Variants in PRKN observed in about 807,000 individuals in gnomAD.
The protein encoded by PRKN is parkin RBR E3 ubiquitin protein ligase, also known as E3 ubiquitin-protein ligase parkin.
A neutral mutation model predicts 59.5 loss-of-function variants in PRKN; 56 were observed. That is an observed-to-expected ratio of 0.94 (90% CI 0.76 to 1.18). PRKN has a LOEUF of 1.18. Ranked by LOEUF, PRKN falls within the 50% of genes most tolerant of loss-of-function variation. The pLI, the probability that PRKN is intolerant of heterozygous loss-of-function variation, is 0.00. For synonymous variants in PRKN, 250 were observed against 222.1 expected, an observed-to-expected ratio of 1.13 and a Z score of -1.12; for missense variants, 657 against 596.4, an observed-to-expected ratio of 1.10 and a Z score of -1.06.
chr6:161,351,120 ATATATTTT>A (rs1299676324), intron 11 of PRKN, among the ~76,000 whole-genome samples: 2 of 125,332 alleles, frequency 1.6e-5, no homozygotes, highest in Non-Finnish European at 3.2e-5. Flanking sequence ...ATATATATAA[ATATATTTT>A]TATATATTTA....
intron 6 of PRKN, among the ~76,000 whole-genome samples, chr6:161,858,750 C>A: frequency 6.6e-6 from 1 of 151,804 alleles, no homozygotes; most frequent in Non-Finnish European, 1.5e-5. Context: ...CCCTGAGCTT[C>A]TCTTAGGGAC....
At chr6:162,369,032 T>A (rs532845153) in intron 2 of PRKN, among the ~76,000 whole-genome samples, 23 of 152,308 alleles carry the variant, frequency 1.5e-4, no homozygotes, top group African/African-American at 5.1e-4. Flanking sequence ...TTGGTGAGAT[T>A]TTTGCCCATT....
chr6:161,945,230 A>G (rs1352297690), intron 6 of PRKN, among the ~76,000 whole-genome samples: 3 of 152,268 alleles, frequency 2.0e-5, no homozygotes, highest in Non-Finnish European at 4.4e-5. Flanking sequence ...TCACATGCAG[A>G]CATCAATCTT....
chr6:162,043,917 C>G (rs1401909816), intron 5 of PRKN, among the ~76,000 whole-genome samples: 2 of 152,174 alleles, frequency 1.3e-5, no homozygotes, highest in South Asian at 4.1e-4. Context: ...GAAACACGAA[C>G]AGTCAAGACA....
intron 1 of PRKN, among the ~76,000 whole-genome samples, chr6:162,622,888 T>C (rs1023953921): frequency 6.6e-6 from 1 of 152,200 alleles, no homozygotes; most frequent in African/African-American, 2.4e-5. Flanking sequence ...CTCCCTTTTT[T>C]ACACGTGAAA....
rs141476093 is a variant in PRKN at position 161,597,417 on chromosome 6, A to T, written c.872-28001T>A. Among the ~76,000 whole-genome samples the T allele has an allele frequency of 2.4e-3, 365 of 152,302 alleles. 2 individuals carry two copies. The highest frequency in any genetic ancestry group is 8.3e-3 in the African/African-American group (345 of 41,548). On this transcript the variant is annotated intron_variant, in intron 7 of 11. Transcript: ENST00000366898. ...GGATTACTGGCAACCCAAGTTAAAG[A>T]ATGACCGAATGGTGAACATGCCTTG...
rs544390950 is a variant in PRKN at position 161,869,343 on chromosome 6, C to T, written c.735-83435G>A. Among the ~76,000 whole-genome samples, 6 of 152,044 alleles carry T rather than the reference C, an allele frequency of 3.9e-5. No individual in the cohort carries two copies. The South Asian group carries it at 1.3e-3, about 32-fold the overall frequency. ...GCAGTGAGCCAAGATCACACCACTGCACTCCAGCCTGAGCGACAGAGCAAG... is the reference window on the plus strand; with the variant it reads ...GCAGTGAGCCAAGATCACACCACTGTACTCCAGCCTGAGCGACAGAGCAAG... On this transcript the variant is annotated intron_variant, in intron 6 of 11. Coordinates refer to ENST00000366898, the MANE Select transcript of PRKN (RefSeq NM_004562.3).
chr6:161,508,434 C>A (rs34702820), intron 9 of PRKN, among the ~76,000 whole-genome samples: 24,759 of 152,172 alleles, frequency 0.16, 2,384 homozygotes, highest in Middle Eastern at 0.29. Context: ...TAAGTATTTT[C>A]TTTTTCTTTA....
intron 9 of PRKN, among the ~76,000 whole-genome samples, chr6:161,482,942 T>C (rs952615224): frequency 1.3e-5 from 2 of 152,226 alleles, no homozygotes; most frequent in African/African-American, 2.4e-5. Context: ...TAATGTTTCA[T>C]AGCTTTTTGA....
intron 2 of PRKN, among the ~76,000 whole-genome samples, chr6:162,360,604 A>G (rs1414652236): frequency 6.6e-6 from 1 of 152,202 alleles, no homozygotes; most frequent in African/African-American, 2.4e-5. Flanking sequence ...AAACAAAAAA[A>G]CCAAAAAACA....
intron 4 of PRKN, among the ~76,000 whole-genome samples, chr6:162,093,343 C>T (rs1239099752): frequency 6.6e-6 from 1 of 152,164 alleles, no homozygotes; most frequent in Non-Finnish European, 1.5e-5. Flanking sequence ...TCTAGCATCA[C>T]GCTCCTCATG....
intron 6 of PRKN, among the ~76,000 whole-genome samples, chr6:161,885,405 C>A (rs1383526696): frequency 6.6e-6 from 1 of 152,136 alleles, no homozygotes; most frequent in African/African-American, 2.4e-5. Context: ...GTGGCTCAGC[C>A]TGTAATCCCA....
intron 7 of PRKN, among the ~76,000 whole-genome samples, chr6:161,594,862 G>A (rs781501113): frequency 1.2e-4 from 19 of 152,088 alleles, no homozygotes; most frequent in Non-Finnish European, 2.8e-4. Context: ...GGAAACAAGT[G>A]GATTACAAAA....
At chr6:162,451,619 A>C in intron 1 of PRKN, among the ~76,000 whole-genome samples, 1 of 152,130 alleles carries the variant, frequency 6.6e-6, no homozygotes, top group East Asian at 1.9e-4. Flanking sequence ...CTAGAACTAA[A>C]ACTACAATTG....
intron 1 of PRKN, among the ~76,000 whole-genome samples, chr6:162,549,117 G>A (rs2128202864): frequency 6.6e-6 from 1 of 152,168 alleles, no homozygotes; most frequent in South Asian, 2.1e-4. Flanking sequence ...GAACCCTCAT[G>A]AGTGGGATTA....
chr6:162,359,969 A>G (rs1265545433), intron 2 of PRKN, among the ~76,000 whole-genome samples: 1 of 152,156 alleles, frequency 6.6e-6, no homozygotes, highest in African/African-American at 2.4e-5. Flanking sequence ...AATGTTTTCT[A>G]AACTGTCTCA....
At chr6:161,775,433 G>T (rs764701931) in intron 7 of PRKN, among the ~76,000 whole-genome samples, 1 of 151,972 alleles carries the variant, frequency 6.6e-6, no homozygotes, top group Non-Finnish European at 1.5e-5. Context: ...TGTAGAAAAG[G>T]GGTCTCCCTG....
At chr6:162,649,385 T>G (rs59233075) in intron 1 of PRKN, among the ~76,000 whole-genome samples, 35,340 of 152,016 alleles carry the variant, frequency 0.23, 4,879 homozygotes, top group African/African-American at 0.37. Flanking sequence ...AGGATACTGG[T>G]AATGATTTTG....
chr6:161,708,491 T>C (rs181863653), intron 7 of PRKN, among the ~76,000 whole-genome samples: 8 of 149,534 alleles, frequency 5.3e-5, no homozygotes, highest in Admixed American at 4.7e-4. Context: ...AGAAACATTA[T>C]AGAAAATTGG....
Sources: gnomAD v4.1 joint callset for allele counts (sites outside exome capture counted in the v4.1 genomes callset) on GRCh38, gnomAD v4.1.1 for gene constraint, MANE v1.5 for transcripts, NCBI Gene and HGNC (gene_info 2026-07-23, HGNC 2026-07-21) for gene names.